Variants in SGCD observed in about 807,000 individuals in gnomAD.
SGCD encodes the protein delta-sarcoglycan.
A neutral mutation model predicts 36.6 loss-of-function variants in SGCD; 18 were observed. The observed-to-expected ratio is 0.49, with a 90% CI of 0.34 to 0.73. SGCD has a LOEUF of 0.73. Ranked by LOEUF, SGCD falls within the 30% of genes least tolerant of loss-of-function variation. The pLI, the probability that SGCD is intolerant of heterozygous loss-of-function variation, is 0.01. For missense variants in SGCD, 387 were observed against 346.7 expected, an observed-to-expected ratio of 1.12 and a Z score of -0.92; for synonymous variants, 133 against 130.6, an observed-to-expected ratio of 1.02 and a Z score of -0.12.
rs199983231 is a variant in SGCD, at chr5:155,876,405, CA to C, written c.-282+5985del. On this transcript the variant is annotated intron_variant, in intron 1 of 9. Coordinates refer to the SGCD transcript ENST00000517913. ...ACTTTTTAAAAATAAAAAATAAATG[CA>C]AAACACATTGCAAAGCACCACATGA... Among the ~76,000 whole-genome samples, 608 of 151,994 alleles carry C rather than the reference CA, an allele frequency of 4.0e-3. 5 individuals carry two copies. The highest frequency in any genetic ancestry group is 0.014 in the African/African-American group (578 of 41,462).
intron 3 of SGCD, among the ~76,000 whole-genome samples, chr5:156,127,371 A>G (rs1026641813): frequency 1.6e-4 from 25 of 152,178 alleles, no homozygotes; most frequent in African/African-American, 6.0e-4. Flanking sequence ...TGAGAGGCCA[A>G]GAGGAGAAGA....
At chr5:156,313,080 C>T (rs1321308603) in intron 3 of SGCD, among the ~76,000 whole-genome samples, 1 of 152,012 alleles carries the variant, frequency 6.6e-6, no homozygotes, top group African/African-American at 2.4e-5. Context: ...AGCTTTGTCC[C>T]TCATGGCTTA....
intron 4 of SGCD, among the ~76,000 whole-genome samples, chr5:156,533,939 T>C (rs1047787381): frequency 2.0e-5 from 3 of 152,170 alleles, no homozygotes; most frequent in African/African-American, 7.2e-5. Context: ...AGACAATAAA[T>C]ATTCTTGGAC....
chr5:156,394,674 C>T (rs549690090), intron 3 of SGCD, among the ~76,000 whole-genome samples: 5 of 152,230 alleles, frequency 3.3e-5, no homozygotes, highest in East Asian at 1.9e-4. Context: ...TTTTCTTTGA[C>T]GTAAGTGTCT....
the SGCD span, among the ~76,000 whole-genome samples, chr5:155,778,566 G>A: frequency 1.1e-4 from 16 of 152,078 alleles, no homozygotes; most frequent in African/African-American, 1.9e-4. Flanking sequence ...AAATGCCAGA[G>A]CCTACGCATC....
intron 7 of SGCD, among the ~76,000 whole-genome samples, chr5:156,736,747 G>A (rs904294705): frequency 8.5e-5 from 13 of 152,236 alleles, no homozygotes; most frequent in Admixed American, 2.0e-4. Flanking sequence ...GAGAACTCGC[G>A]GGACCATATG....
intron 3 of SGCD, among the ~76,000 whole-genome samples, chr5:156,268,242 G>T (rs1201995979): frequency 6.6e-6 from 1 of 152,138 alleles, no homozygotes; most frequent in African/African-American, 2.4e-5. Context: ...GCATTGATGG[G>T]CATTTAGATT....
intron 1 of SGCD, among the ~76,000 whole-genome samples, chr5:156,013,728 T>G (rs1290516547): frequency 1.3e-5 from 2 of 152,190 alleles, no homozygotes; most frequent in Non-Finnish European, 2.9e-5. Flanking sequence ...ACGTTTTATC[T>G]TCCATAACTG....
At chr5:156,340,346 G>A (rs1020979625) in intron 2 of SGCD, among the ~76,000 whole-genome samples, 17 of 152,254 alleles carry the variant, frequency 1.1e-4, no homozygotes, top group African/African-American at 2.4e-4. Context: ...ATTGTAGGTC[G>A]TGTTTATATC....
intron 2 of SGCD, among the ~76,000 whole-genome samples, chr5:156,332,994 G>A (rs1436712033): frequency 1.3e-5 from 2 of 152,110 alleles, no homozygotes; most frequent in Non-Finnish European, 2.9e-5. Flanking sequence ...CTACATGAAA[G>A]CATGCAAAGT....
chr5:156,191,949 G>C (rs969791717), intron 3 of SGCD, among the ~76,000 whole-genome samples: 1 of 152,104 alleles, frequency 6.6e-6, no homozygotes, highest in African/African-American at 2.4e-5. Flanking sequence ...AAAACCTTAT[G>C]CTTTAATGCA....
At chr5:156,167,212 C>T (rs999325002) in intron 3 of SGCD, among the ~76,000 whole-genome samples, 2 of 152,170 alleles carry the variant, frequency 1.3e-5, no homozygotes, top group Admixed American at 6.5e-5. Context: ...CGCATATGTT[C>T]CCCTGTCATT....
At chr5:155,873,357 G>A (rs903214451) in intron 1 of SGCD, among the ~76,000 whole-genome samples, 6 of 152,172 alleles carry the variant, frequency 3.9e-5, no homozygotes, top group African/African-American at 1.4e-4. Flanking sequence ...CTCAGGAACA[G>A]AAAACCTAAA....
At chr5:156,341,645 T>A (rs997603620) in intron 2 of SGCD, among the ~76,000 whole-genome samples, 1 of 152,234 alleles carries the variant, frequency 6.6e-6, no homozygotes, top group Non-Finnish European at 1.5e-5. Context: ...TAAATACTGA[T>A]GCCTGGGTGC....
intron 1 of SGCD, among the ~76,000 whole-genome samples, chr5:156,002,245 A>G (rs762639824): frequency 1.5e-4 from 23 of 152,156 alleles, no homozygotes; most frequent in Non-Finnish European, 3.1e-4. Context: ...ACACAAACAC[A>G]CACAGAGGGA....
At chr5:156,335,862 TC>T (rs899174584) in intron 2 of SGCD, among the ~76,000 whole-genome samples, 86 of 152,256 alleles carry the variant, frequency 5.6e-4, no homozygotes, top group African/African-American at 2.0e-3. Flanking sequence ...CACCCACCTG[TC>T]TATAGGCCTG....
In SGCD at chr5:156,616,820, T is replaced by C. The variant is rs76723521; in HGVS notation, c.502+21769T>C. 0.014 allele frequency among the ~76,000 whole-genome samples: 2,082 copies of C among 152,318 alleles called. 82 individuals carry two copies. In the East Asian group the frequency reaches 0.17, roughly 12 times the overall value. On this transcript the variant is annotated intron_variant, in intron 6 of 8. Transcript: ENST00000337851. ...GACTGCCAAATCAGGCCAAAACCAC[T>C]GCCTAGTTTTGTAAATAATATTTTA...
intron 1 of SGCD, among the ~76,000 whole-genome samples, chr5:156,086,567 T>C (rs1254815675): frequency 2.0e-5 from 3 of 152,210 alleles, no homozygotes; most frequent in African/African-American, 7.2e-5. Flanking sequence ...TCCCATCTGG[T>C]GAATGGGCTG....
At chr5:156,679,077 G>C (rs1303132167) in intron 7 of SGCD, among the ~76,000 whole-genome samples, 1 of 152,214 alleles carries the variant, frequency 6.6e-6, no homozygotes, top group Non-Finnish European at 1.5e-5. Context: ...GATGTCCCTA[G>C]TACTGCTTTG....
Sources: allele counts gnomAD v4.1 joint callset (sites outside exome capture counted in the v4.1 genomes callset), GRCh38; gene constraint gnomAD v4.1.1; transcripts MANE v1.5; gene names NCBI Gene and HGNC (gene_info 2026-07-23, HGNC 2026-07-21).